The following DNALI1 variants were observed in gnomAD, a reference collection of about 807,000 sequenced individuals.
DNALI1 encodes axonemal dynein light intermediate polypeptide 1.
A neutral mutation model predicts 33.9 loss-of-function variants in DNALI1; 31 were observed. The observed-to-expected ratio is 0.91, with a 90% CI of 0.69 to 1.23. DNALI1 has a LOEUF of 1.23. DNALI1 is among the 50% of genes most tolerant of loss of function. The pLI, the probability that DNALI1 is intolerant of heterozygous loss-of-function variation, is 0.00. For synonymous variants in DNALI1, 117 were observed against 129.2 expected, an observed-to-expected ratio of 0.91 and a Z score of 0.64; for missense variants, 305 against 323.8, an observed-to-expected ratio of 0.94 and a Z score of 0.44.
chr1:37,561,775 T>G lies in DNALI1; in HGVS notation c.576+40T>G. ...CCGTGACCCTTGGTCCCATCTCTTC[T>G]GTAAACCTCAGGGCCACATGCTTAT... On this transcript the variant is annotated intron_variant, in intron 4 of 5. Transcript: ENST00000652629. The surrounding 1 kb of genome is among the most constrained non-coding windows in gnomAD (Gnocchi z 4.6). 6.3e-7 allele frequency: 1 copy of G among 1,594,266 alleles called. No homozygotes were observed. Among genetic ancestry groups the G allele is most frequent in the South Asian group, 1.1e-5 (1 of 89,154 alleles).
intron 2 of DNALI1, among the ~76,000 whole-genome samples, chr1:37,558,465 T>C (rs1643399224): frequency 6.6e-6 from 1 of 152,220 alleles, no homozygotes; most frequent in African/African-American, 2.4e-5. Flanking sequence ...TGGCTTCCCA[T>C]CTCAGACTAA....
intron 1 of DNALI1, 80 bp from the exon 2 acceptor site, chr1:37,557,523 C>A: frequency 6.6e-7 from 1 of 1,524,510 alleles, no homozygotes; most frequent in South Asian, 1.3e-5. Flanking sequence ...TGCAGAAGAC[C>A]TGGAGCAATA....
At chr1:37,563,507 T>A (rs1311124014) in intron 5 of DNALI1, among the ~76,000 whole-genome samples, 4 of 152,204 alleles carry the variant, frequency 2.6e-5, no homozygotes, top group Non-Finnish European at 5.9e-5. Flanking sequence ...TTTTTTCTTT[T>A]GAGACGGAGT....
rs372987118 is a variant in DNALI1, at chr1:37,562,135, A to G, written c.631A>G (p.Lys211Glu). The change falls in exon 5 of 6, where the codon AAG (lysine) becomes GAG (glutamate). Residue 211 changes from lysine to glutamate, a missense_variant. By Grantham distance (56) the Lys-to-Glu change is moderately conservative. Coordinates refer to ENST00000652629, the MANE Select transcript of DNALI1 (RefSeq NM_003462.5). The surrounding 1 kb of genome is among the most constrained non-coding windows in gnomAD (Gnocchi z 5.8). ...RDLERQVNEQ[K>E]AKCEATEKRE... is the part of the protein sequence containing the mutation. The stretch of plus-strand genomic sequence containing the variant: ...CCTGGAGAGGCAAGTGAACGAGCAG[A>G]AGGCAAAATGTGAAGCCACTGAGAA... 32 of 1,614,026 alleles carry G rather than the reference A, an allele frequency of 2.0e-5. No homozygotes were observed. Among genetic ancestry groups the G allele is most frequent in the Non-Finnish European group, 2.6e-5 (31 of 1,180,032 alleles).
In DNALI1 at chr1:37,565,957, A is replaced by C. The variant is rs1288653406; in HGVS notation, c.*896A>C. ...CCCAGAAGATTGAATGAGTGACATA[A>C]ATCTTTAGTTCGGGGCAAGCCAGGG... On this transcript the variant is annotated 3_prime_UTR_variant, in exon 6 of 6. Transcript: ENST00000652629. 1 of 152,132 alleles carries C rather than the reference A, an allele frequency of 6.6e-6. No homozygotes were observed. The highest frequency in any genetic ancestry group is 1.9e-4 in the East Asian group (1 of 5,188). The allele number at this position is 152,132 out of a possible 1,614,324, so 9.4% of individuals were successfully genotyped here.
intron 5 of DNALI1, among the ~76,000 whole-genome samples, chr1:37,564,406 G>C (rs1429372626): frequency 6.7e-6 from 1 of 150,210 alleles, no homozygotes; most frequent in African/African-American, 2.5e-5. Context: ...TTTTTGAGAC[G>C]GAGTCTCCCT....
Position 37,559,244 on chromosome 1 carries a change from A to T in DNALI1, c.228-83A>T. On this transcript the variant is annotated intron_variant, in intron 2 of 5. Transcript: ENST00000652629. The surrounding 1 kb of genome is among the most constrained non-coding windows in gnomAD (Gnocchi z 5.3). The stretch of plus-strand genomic sequence containing the variant: ...AGCTGCCCCTCACCACTACTCAGGC[A>T]GAGGGCTCAAAGGGCCCTCTGCTCA... The T allele has an allele frequency of 1.4e-6, 2 of 1,411,924 alleles. No individual in the cohort carries two copies. Among genetic ancestry groups the T allele is most frequent in the Non-Finnish European group, 1.9e-6 (2 of 1,057,122 alleles). 87.5% of individuals were successfully genotyped at this position (1,411,924 alleles called of 1,614,324 possible).
intron 5 of DNALI1, among the ~76,000 whole-genome samples, chr1:37,563,818 C>T (rs553375812): frequency 2.0e-5 from 3 of 152,252 alleles, no homozygotes; most frequent in African/African-American, 7.2e-5. Context: ...AACTGCATTG[C>T]AAATAAAGCA....
intron 1 of DNALI1, 95 bp downstream of exon 1, chr1:37,557,170 G>T (rs992014635): frequency 6.4e-7 from 1 of 1,571,520 alleles, no homozygotes; most frequent in East Asian, 2.3e-5. Flanking sequence ...AAGGGACGGG[G>T]ATTGCAGCGA....
At position 37,556,999 on chromosome 1, in the gene DNALI1, T is replaced by C; in HGVS notation, c.5T>C (p.Ile2Thr). 6.2e-7 allele frequency: 1 copy of C among 1,614,160 alleles called. No homozygotes were observed. The highest frequency in any genetic ancestry group is 1.1e-5 in the South Asian group (1 of 91,084). M[I>T]PPADSLLKYD... ...GTTGCTACTCTCGCCTCCGCCATGATTCCGCCCGCAGACTCTTTGCTCAAG... is the reference window on the plus strand; with the variant it reads ...GTTGCTACTCTCGCCTCCGCCATGACTCCGCCCGCAGACTCTTTGCTCAAG... The change falls in exon 1 of 6, where the codon ATT (isoleucine) becomes ACT (threonine). Residue 2 changes from isoleucine (I) to threonine (T), a missense_variant. Ile to Thr is a moderately conservative substitution (Grantham distance 89). Coordinates refer to ENST00000652629, the MANE Select transcript of DNALI1 (RefSeq NM_003462.5).
In DNALI1 at chr1:37,557,048, C is replaced by G. The variant is rs777267222; in HGVS notation, c.54C>G (p.Ser18Arg). The change falls in exon 1 of 6, where the codon AGC becomes AGG. Residue 18 changes from serine to arginine, a missense_variant. By Grantham distance (110) the Ser-to-Arg change is moderately radical. Transcript: ENST00000652629. Reference protein sequence around the residue: ...LLKYDTPVLVSRNTEKRSPKA... With the variant: ...LLKYDTPVLVRRNTEKRSPKA... ...AGTACGACACCCCAGTGCTGGTGAG[C>G]CGGAACACGGAGAAACGGAGCCCCA... 7 of 1,614,212 alleles carry G rather than the reference C, an allele frequency of 4.3e-6. No homozygotes were observed. The highest frequency in any genetic ancestry group is 5.9e-6 in the Non-Finnish European group (7 of 1,180,042).
At position 37,561,752 on chromosome 1, in the gene DNALI1, G is replaced by A. The variant is rs749475247; in HGVS notation, c.576+17G>A. On this transcript the variant is annotated intron_variant, in intron 4 of 5. Transcript: ENST00000652629. The surrounding 1 kb of genome is among the most constrained non-coding windows in gnomAD (Gnocchi z 4.6). ...GAGAGGAAAGTGAGTGGGGTTTACC[G>A]TGACCCTTGGTCCCATCTCTTCTGT... The A allele has an allele frequency of 1.4e-5, 22 of 1,609,736 alleles. No homozygotes were observed. In the East Asian group the frequency reaches 1.6e-4, roughly 11 times the overall value.
At chr1:37,557,480 G>C in intron 1 of DNALI1, 123 bp from the exon 2 acceptor site, 1 of 1,371,092 alleles carries the variant, frequency 7.3e-7, no homozygotes, top group Non-Finnish European at 9.9e-7. Context: ...TGAGAAGACC[G>C]ACCCAAAGTA....
chr1:37,556,994 C>T lies in DNALI1; in HGVS notation c.-1C>T, dbSNP rs761046916. 4 of 1,614,122 alleles carry T rather than the reference C, an allele frequency of 2.5e-6. No homozygotes were observed. The Admixed American group carries it at 5.0e-5, about 20-fold the overall frequency. Reference sequence around the variant, plus strand: ...GCTGGGTTGCTACTCTCGCCTCCGCCATGATTCCGCCCGCAGACTCTTTGC... The same window carrying T: ...GCTGGGTTGCTACTCTCGCCTCCGCTATGATTCCGCCCGCAGACTCTTTGC... On this transcript the variant is annotated 5_prime_UTR_variant, in exon 1 of 6. Transcript: ENST00000652629.
intron 1 of DNALI1, 84 bp downstream of exon 1, chr1:37,557,159 C>CA: frequency 1.3e-6 from 2 of 1,594,690 alleles, no homozygotes; most frequent in African/African-American, 2.7e-5. Flanking sequence ...TCAGGAATCT[C>CA]AAGGGACGGG....
Position 37,559,403 on chromosome 1 carries a change from C to G in DNALI1, c.304C>G (p.Leu102Val). ...TAGCACCAGGATGGACGTGGTGCACCTCCAGGAGCAGTTAGACTTAAAGCT... is the reference window on the plus strand; with the variant it reads ...TAGCACCAGGATGGACGTGGTGCACGTCCAGGAGCAGTTAGACTTAAAGCT... Reference protein sequence around the residue: ...TPSTRMDVVHLQEQLDLKLQQ... With the variant: ...TPSTRMDVVHVQEQLDLKLQQ... Residue 102 changes from leucine (L) to valine (V), a missense_variant, in exon 3 of 6, where the codon CTC becomes GTC. Leu to Val is a conservative substitution (Grantham distance 32). Coordinates refer to ENST00000652629, the MANE Select transcript of DNALI1 (RefSeq NM_003462.5). This position sits in a 1 kb window ranked among gnomAD's most constrained non-coding sequence, Gnocchi z 5.3. 6.8e-6 allele frequency: 11 copies of G among 1,613,270 alleles called. No homozygotes were observed. The highest frequency in any genetic ancestry group is 9.3e-6 in the Non-Finnish European group (11 of 1,179,894).
In DNALI1 at chr1:37,562,555, G is replaced by A. The variant is rs1643453718; in HGVS notation, c.741+310G>A. ...GTGGAACTCCATTCCCCTGGAAGCT[G>A]GTATGTTGGAGCCTTTCTGGAGGGG... On this transcript the variant is annotated intron_variant, in intron 5 of 5. Coordinates refer to ENST00000652629, the MANE Select transcript of DNALI1 (RefSeq NM_003462.5). This position sits in a 1 kb window ranked among gnomAD's most constrained non-coding sequence, Gnocchi z 5.8. 6.6e-6 allele frequency among the ~76,000 whole-genome samples: 1 copy of A among 152,184 alleles called. No homozygotes were observed. The highest frequency in any genetic ancestry group is 2.4e-5 in the African/African-American group (1 of 41,458).
At position 37,557,667 on chromosome 1, in the gene DNALI1, A is replaced by C. The variant is rs1219462342; in HGVS notation, c.146A>C (p.Lys49Thr). ...TCAGGTTCAGCCCCACAGCCACCCA[A>C]GACCAAGCTCCCCTCAACTCCCTGT... ...GPSGSAPQPP[K>T]TKLPSTPCVP... The change falls in exon 2 of 6, where the codon AAG (lysine) becomes ACG (threonine). Residue 49 changes from lysine to threonine, a missense_variant. Coordinates refer to ENST00000652629, the MANE Select transcript of DNALI1 (RefSeq NM_003462.5). 6.2e-7 allele frequency: 1 copy of C among 1,613,998 alleles called. No individual in the cohort carries two copies. The highest frequency in any genetic ancestry group is 1.3e-5 in the African/African-American group (1 of 74,902).
At position 37,566,637 on chromosome 1, in the gene DNALI1, A is replaced by G. The variant is rs756855562; in HGVS notation, c.*1576A>G. 1.7e-5 allele frequency: 9 copies of G among 537,040 alleles called. No individual in the cohort carries two copies. Among genetic ancestry groups the G allele is most frequent in the Non-Finnish European group, 2.6e-5 (8 of 305,420 alleles). 33.3% of individuals were successfully genotyped at this position (537,040 alleles called of 1,614,324 possible). A position where few individuals can be genotyped will look rare whatever the true frequency, so the allele number is the denominator to read the frequency against. On this transcript the variant is annotated 3_prime_UTR_variant, in exon 6 of 6. Transcript: ENST00000652629. Reference sequence around the variant, plus strand: ...TGACAGGGTGACTGTGGAACCTCTTAGTTCATCCAAAGTCTACCTGAAGTG... The same window carrying G: ...TGACAGGGTGACTGTGGAACCTCTTGGTTCATCCAAAGTCTACCTGAAGTG...
Sources: allele counts gnomAD v4.1 joint callset (sites outside exome capture counted in the v4.1 genomes callset), GRCh38; gene constraint gnomAD v4.1.1; non-coding constraint Gnocchi (gnomAD v3.1); transcripts MANE v1.5; gene names NCBI Gene and HGNC (gene_info 2026-07-23, HGNC 2026-07-21).